The following PELI2 variants were observed in gnomAD, a reference collection of about 807,000 sequenced individuals.
PELI2 encodes the protein pellino E3 ubiquitin protein ligase family member 2, also known as E3 ubiquitin-protein ligase pellino homolog 2.
A neutral mutation model predicts 42.3 loss-of-function variants in PELI2; 23 were observed. That is an observed-to-expected ratio of 0.54 (90% CI 0.39 to 0.77). PELI2 has a LOEUF of 0.77. Among genes scored for constraint, PELI2 ranks in the 30% least tolerant of loss-of-function variants. The probability of loss-of-function intolerance (pLI) is 0.00; values close to 1 mark genes in which losing one functional copy is unlikely to be tolerated. For synonymous variants in PELI2, 245 were observed against 212.2 expected (o/e 1.15, Z -1.34); for missense variants, 463 against 553.2 (o/e 0.84, Z 1.64).
intron 2 of PELI2, among the ~76,000 whole-genome samples, chr14:56,214,655 G>A (rs992077380): frequency 3.9e-5 from 6 of 152,136 alleles, no homozygotes; most frequent in African/African-American, 1.4e-4. Context: ...AGGCTGGAGG[G>A]CCCAGCAACC....
intron 1 of PELI2, among the ~76,000 whole-genome samples, chr14:56,163,266 T>G (rs1884832922): frequency 6.6e-6 from 1 of 152,128 alleles, no homozygotes; most frequent in African/African-American, 2.4e-5. Flanking sequence ...TGGTGAGAGA[T>G]AGTGGTCTAG....
intron 2 of PELI2, among the ~76,000 whole-genome samples, chr14:56,212,247 C>A (rs537745204): frequency 1.3e-5 from 2 of 152,366 alleles, no homozygotes; most frequent in East Asian, 3.9e-4. Flanking sequence ...AGGTATTGAG[C>A]ATAGCTGGTT....
chr14:56,235,027 G>A lies in PELI2; in HGVS notation c.208-44649G>A, dbSNP rs1035658335. Among the ~76,000 whole-genome samples, 8 of 152,174 alleles carry A rather than the reference G, an allele frequency of 5.3e-5. No homozygotes were observed. The East Asian group carries it at 5.8e-4, about 11-fold the overall frequency. ...TCACTTTCTTTTCTGAGGGTGTTAC[G>A]TTTGTTTCACATCTAAGAAAACTAA... On this transcript the variant is annotated intron_variant, in intron 2 of 5. Coordinates refer to ENST00000267460, the MANE Select transcript of PELI2 (RefSeq NM_021255.3).
intron 2 of PELI2, among the ~76,000 whole-genome samples, chr14:56,277,955 C>G (rs1317313405): frequency 1.3e-5 from 2 of 152,072 alleles, no homozygotes; most frequent in Non-Finnish European, 2.9e-5. Context: ...AATGTATAAC[C>G]TTTAAAAGTA....
chr14:56,214,849 C>T (rs1487818217), intron 2 of PELI2, among the ~76,000 whole-genome samples: 8 of 152,204 alleles, frequency 5.3e-5, no homozygotes, highest in Admixed American at 4.6e-4. Flanking sequence ...CGGGATTCCA[C>T]AGCCTCGGGA....
At position 56,180,124 on chromosome 14, in the gene PELI2, A is replaced by G. The variant is rs1181288862; in HGVS notation, c.207+1660A>G. On this transcript the variant is annotated intron_variant, in intron 2 of 5. Transcript: ENST00000267460. This position sits in a 1 kb window ranked among gnomAD's most constrained non-coding sequence, Gnocchi z 4.4. ...ATTAATCTTTTGATAATTGTCATCTAAGTCTGTGTTTAAAAATATTACCCA... is the reference window on the plus strand; with the variant it reads ...ATTAATCTTTTGATAATTGTCATCTGAGTCTGTGTTTAAAAATATTACCCA... Among the ~76,000 whole-genome samples, 1 of 152,166 alleles carries G rather than the reference A, an allele frequency of 6.6e-6. No individual in the cohort carries two copies. The highest frequency in any genetic ancestry group is 1.5e-5 in the Non-Finnish European group (1 of 68,030).
chr14:56,242,472 C>G (rs1192033296), intron 2 of PELI2, among the ~76,000 whole-genome samples: 1 of 152,144 alleles, frequency 6.6e-6, no homozygotes, highest in African/African-American at 2.4e-5. Flanking sequence ...AGTAGAACTG[C>G]CATTTGATCC....
intron 2 of PELI2, among the ~76,000 whole-genome samples, chr14:56,238,943 C>A (rs1053621924): frequency 2.0e-5 from 3 of 152,140 alleles, no homozygotes; most frequent in Non-Finnish European, 2.9e-5. Flanking sequence ...CTGAAAACTT[C>A]CTTAATGTGA....
intron 1 of PELI2, among the ~76,000 whole-genome samples, chr14:56,145,866 T>TA (rs1402841355): frequency 6.6e-6 from 1 of 152,228 alleles, no homozygotes; most frequent in Non-Finnish European, 1.5e-5. Context: ...AATGTTGACT[T>TA]ACATTACTTT....
At chr14:56,226,197 G>A (rs1039508963) in intron 2 of PELI2, among the ~76,000 whole-genome samples, 31 of 152,168 alleles carry the variant, frequency 2.0e-4, no homozygotes, top group African/African-American at 7.2e-4. Context: ...TGTCTCGTTA[G>A]CCCACCACTG....
chr14:56,234,698 T>A (rs927659608), intron 2 of PELI2, among the ~76,000 whole-genome samples: 1 of 152,138 alleles, frequency 6.6e-6, no homozygotes, highest in African/African-American at 2.4e-5. Flanking sequence ...CATGTATACA[T>A]ATGTAACAAA....
At chr14:56,178,200 T>A (rs923325151) in intron 1 of PELI2, 135 bp from the exon 2 acceptor site, 1 of 797,290 alleles carries the variant, frequency 1.3e-6, no homozygotes, top group South Asian at 1.8e-5. Context: ...TTGCAACCCT[T>A]TCCTTTTGTG....
intron 2 of PELI2, among the ~76,000 whole-genome samples, chr14:56,241,333 T>G (rs1438328586): frequency 6.6e-6 from 1 of 152,140 alleles, no homozygotes; most frequent in Non-Finnish European, 1.5e-5. Flanking sequence ...AAAGAATATT[T>G]GGGAAATTTG....
chr14:56,121,693 C>T (rs1595531930), intron 1 of PELI2, among the ~76,000 whole-genome samples: 1 of 152,216 alleles, frequency 6.6e-6, no homozygotes. Flanking sequence ...AAGCCCTTCT[C>T]TCTTGCTGAC....
At chr14:56,126,629 C>T (rs924033573) in intron 1 of PELI2, among the ~76,000 whole-genome samples, 4 of 152,174 alleles carry the variant, frequency 2.6e-5, no homozygotes, top group South Asian at 2.1e-4. Flanking sequence ...CGGTGGCCCC[C>T]CTCCTTTCCC....
In PELI2 at chr14:56,296,588, A is replaced by G; in HGVS notation, c.697-12A>G. ...TTGCTTTTAAAAGGCATGTGTCTCA[A>G]ACTTGTTGTAGGTGGAAAGTGAGAC... On this transcript the variant is annotated splice_polypyrimidine_tract_variant and intron_variant, in intron 5 of 5. Transcript: ENST00000267460. The G allele has an allele frequency of 6.4e-7, 1 of 1,571,812 alleles. No individual in the cohort carries two copies. Among genetic ancestry groups the G allele is most frequent in the Non-Finnish European group, 8.7e-7 (1 of 1,153,948 alleles).
At chr14:56,207,180 T>C (rs187912184) in intron 2 of PELI2, among the ~76,000 whole-genome samples, 1 of 152,326 alleles carries the variant, frequency 6.6e-6, no homozygotes. Flanking sequence ...TAATAAATAC[T>C]GTACTTTGTA....
intron 5 of PELI2, among the ~76,000 whole-genome samples, chr14:56,295,043 G>A (rs563436845): frequency 6.6e-6 from 1 of 152,066 alleles, no homozygotes; most frequent in Admixed American, 6.5e-5. Flanking sequence ...AACCAGGCAC[G>A]TAAGAGGCTC....
At chr14:56,177,860 G>C (rs923407144) in intron 1 of PELI2, among the ~76,000 whole-genome samples, 1 of 152,166 alleles carries the variant, frequency 6.6e-6, no homozygotes, top group Non-Finnish European at 1.5e-5. Flanking sequence ...TAACTAAATT[G>C]GTTGTCTTAC....
Sources: allele counts gnomAD v4.1 joint callset (sites outside exome capture counted in the v4.1 genomes callset), GRCh38; gene constraint gnomAD v4.1.1; non-coding constraint Gnocchi (gnomAD v3.1); transcripts MANE v1.5; gene names NCBI Gene and HGNC (gene_info 2026-07-23, HGNC 2026-07-21).